The following MYH16 variants were observed in gnomAD, a reference collection of about 807,000 sequenced individuals.
MYH16 encodes myosin heavy chain 16.
At chr7:99,297,922 T>C (rs61740647) in exon 36 of MYH16, 59 of 456,660 alleles carry the variant, frequency 1.3e-4, no homozygotes, top group African/African-American at 1.0e-3. Flanking sequence ...TCGAATTCAG[T>C]TGGAACTGGC....
chr7:99,306,298 G>A (rs867617934), intron 41 of MYH16, among the ~76,000 whole-genome samples: 2 of 152,134 alleles, frequency 1.3e-5, no homozygotes, highest in African/African-American at 2.4e-5. Flanking sequence ...GGAGGTCGAG[G>A]TAGGTGGATC....
At chr7:99,275,072 G>A (rs1450317310) in intron 20 of MYH16, among the ~76,000 whole-genome samples, 1 of 151,984 alleles carries the variant, frequency 6.6e-6, no homozygotes, top group Non-Finnish European at 1.5e-5. Flanking sequence ...ATAGCTCACT[G>A]CAGCCTCTAA....
intron 20 of MYH16, among the ~76,000 whole-genome samples, 197 bp from the exon 3 acceptor site, chr7:99,277,342 C>T (rs1379585234): frequency 6.6e-6 from 1 of 152,100 alleles, no homozygotes; most frequent in Non-Finnish European, 1.5e-5. Flanking sequence ...TCTGTTGAGG[C>T]CAGGGATGCT....
exon 20 of MYH16, chr7:99,273,351 G>A (rs764743496): frequency 2.2e-6 from 1 of 456,724 alleles, no homozygotes; most frequent in South Asian, 1.5e-5. Context: ...GAATGGGCCT[G>A]AAAGTCATTC....
intron 20 of MYH16, among the ~76,000 whole-genome samples, chr7:99,273,950 CT>C (rs1584347813): frequency 6.6e-6 from 1 of 152,148 alleles, no homozygotes; most frequent in Admixed American, 6.5e-5. Flanking sequence ...GTCTTTCTGC[CT>C]TCCATCTCAT....
At chr7:99,297,425 T>C (rs1334433392) in intron 34 of MYH16, among the ~76,000 whole-genome samples, 1 of 152,088 alleles carries the variant, frequency 6.6e-6, no homozygotes, top group Non-Finnish European at 1.5e-5. Flanking sequence ...AGAGCAACAC[T>C]ATGTCCCAAA....
At chr7:99,244,631 T>C (rs1791706969) in intron 2 of MYH16, among the ~76,000 whole-genome samples, 1 of 152,204 alleles carries the variant, frequency 6.6e-6, no homozygotes, top group Non-Finnish European at 1.5e-5. Context: ...ACTACTGTGG[T>C]TCTAGATTCA....
chr7:99,291,860 G>C (rs942708542), intron 31 of MYH16, among the ~76,000 whole-genome samples: 2 of 151,928 alleles, frequency 1.3e-5, no homozygotes, highest in African/African-American at 4.8e-5. Context: ...TTGGGAGGCC[G>C]ACACAGGTGG....
intron 21 of MYH16, among the ~76,000 whole-genome samples, chr7:99,278,149 C>G (rs1289626788): frequency 6.6e-6 from 1 of 152,036 alleles, no homozygotes; most frequent in African/African-American, 2.4e-5. Flanking sequence ...TACTATGTTG[C>G]CCAGGCTTGT....
At chr7:99,304,006 G>T (rs1792645875) in intron 39 of MYH16, among the ~76,000 whole-genome samples, 1 of 152,006 alleles carries the variant, frequency 6.6e-6, no homozygotes, top group South Asian at 2.1e-4. Context: ...CGAGTGGTGG[G>T]TTCTGTTTAC....
At chr7:99,296,148 TAAAAAAAAAAA>T (rs60180969) in intron 33 of MYH16, among the ~76,000 whole-genome samples, 3 of 91,418 alleles carry the variant, frequency 3.3e-5, no homozygotes, top group South Asian at 6.9e-4. Flanking sequence ...CATCTCAATT[TAAAAAAAAAAA>T]AAAAAAAAAA....
intron 11 of MYH16, among the ~76,000 whole-genome samples, chr7:99,259,304 T>G (rs1791911247): frequency 6.6e-6 from 1 of 152,170 alleles, no homozygotes; most frequent in Non-Finnish European, 1.5e-5. Context: ...AAAATGGTTA[T>G]TTCTTCAATG....
chr7:99,267,560 C>T (rs753819823), intron 18 of MYH16, among the ~76,000 whole-genome samples: 1 of 152,178 alleles, frequency 6.6e-6, no homozygotes, highest in Non-Finnish European at 1.5e-5. Flanking sequence ...ATAAAAAGGG[C>T]CAATGAGAAT....
intron 31 of MYH16, among the ~76,000 whole-genome samples, chr7:99,291,901 C>T (rs1429307037): frequency 6.6e-6 from 1 of 152,190 alleles, no homozygotes; most frequent in Non-Finnish European, 1.5e-5. Context: ...CGAGATCGCA[C>T]CATTGCACTC....
At chr7:99,285,644 T>C (rs947554174) in intron 27 of MYH16, among the ~76,000 whole-genome samples, 2 of 152,178 alleles carry the variant, frequency 1.3e-5, no homozygotes, top group Non-Finnish European at 2.9e-5. Flanking sequence ...AGATGCTCTG[T>C]GTGGCTTGAG....
At position 99,247,758 on chromosome 7, in the gene MYH16, G is replaced by A. The variant is rs144608209; in HGVS notation, n.511+8G>A. 1,126 of 161,890 alleles carry A rather than the reference G, an allele frequency of 7.0e-3. 14 individuals carry two copies. Among genetic ancestry groups the A allele is most frequent in the Non-Finnish European group, 0.011 (827 of 72,726 alleles). The allele number at this position is 161,890 out of a possible 1,614,324, so 10.0% of individuals were successfully genotyped here. On this transcript the variant is annotated splice_region_variant and intron_variant and non_coding_transcript_variant, in intron 3 of 41. Transcript: ENST00000439784. ...ACCACGACATGCTTATGGGTGCGTC[G>A]GGGTGGGCTCTGCTGGGGCAGGGGT...
At chr7:99,244,770 C>T (rs189803124) in intron 2 of MYH16, among the ~76,000 whole-genome samples, 1,803 of 152,276 alleles carry the variant, frequency 0.012, 17 homozygotes, top group Non-Finnish European at 0.014. Context: ...CACCCACCCC[C>T]GGCTGAACCT....
At chr7:99,259,925 A>G (rs1024229368) in intron 11 of MYH16, among the ~76,000 whole-genome samples, 1 of 151,654 alleles carries the variant, frequency 6.6e-6, no homozygotes, top group African/African-American at 2.4e-5. Context: ...TCTGAACATC[A>G]TACTGTGTGG....
intron 36 of MYH16, among the ~76,000 whole-genome samples, chr7:99,298,959 G>A (rs1412234080): frequency 1.3e-5 from 2 of 151,914 alleles, no homozygotes; most frequent in African/African-American, 4.8e-5. Flanking sequence ...GGGCGCAGTG[G>A]CTCACGCCTG....
Sources: allele counts gnomAD v4.1 joint callset (sites outside exome capture counted in the v4.1 genomes callset), GRCh38; gene constraint gnomAD v4.1.1; transcripts MANE v1.5; gene names NCBI Gene and HGNC (gene_info 2026-07-23, HGNC 2026-07-21).